The following XIRP2 variants were observed in gnomAD, a reference collection of about 807,000 sequenced individuals.
The protein encoded by XIRP2 is xin actin binding repeat containing 2.
XIRP2 carries 236 observed loss-of-function variants against 277.0 expected under a neutral mutation model. The observed-to-expected ratio is 0.85, with a 90% CI of 0.77 to 0.95. The LOEUF is 0.95. XIRP2 is among the 40% of genes least tolerant of loss of function. XIRP2 has a pLI of 0.00. For missense variants in XIRP2, 4,640 were observed against 4,157.5 expected, an observed-to-expected ratio of 1.12 and a Z score of -3.19; for synonymous variants, 1,490 against 1,416.5, an observed-to-expected ratio of 1.05 and a Z score of -1.17.
In XIRP2 at chr2:167,246,560, C is replaced by T. The variant is rs756423645; in HGVS notation, c.5168C>T (p.Ser1723Phe). 1.7e-4 allele frequency: 280 copies of T among 1,613,526 alleles called. No homozygotes were observed. Among genetic ancestry groups the T allele is most frequent in the Non-Finnish European group, 2.2e-4 (264 of 1,179,782 alleles). The change falls in exon 9 of 11, where the codon TCC (serine) becomes TTC (phenylalanine). Residue 1723 changes from serine (S) to phenylalanine (F), a missense_variant. Ser to Phe is a radical substitution (Grantham distance 155, BLOSUM62 -2). Coordinates refer to ENST00000409195, the MANE Select transcript of XIRP2 (RefSeq NM_152381.6). The part of the protein sequence containing the change: ...VKRTIHNLLS[S>F]TSNNKISERA... ...CGTACCATTCATAATTTATTGTCTT[C>T]CACATCAAACAATAAAATATCTGAA...
chr2:167,003,938 T>C (rs974933742), intron 2 of XIRP2, among the ~76,000 whole-genome samples: 1 of 151,958 alleles, frequency 6.6e-6, no homozygotes, highest in Non-Finnish European at 1.5e-5. Flanking sequence ...AAAAATTTAA[T>C]TATTAGGATA....
chr2:167,032,802 T>C (rs945763611), intron 2 of XIRP2, among the ~76,000 whole-genome samples: 1 of 152,152 alleles, frequency 6.6e-6, no homozygotes, highest in Non-Finnish European at 1.5e-5. Flanking sequence ...CAACAGATGC[T>C]GGAGAAGATG....
intron 2 of XIRP2, among the ~76,000 whole-genome samples, chr2:167,034,154 G>T (rs549445604): frequency 2.6e-4 from 40 of 152,226 alleles, no homozygotes; most frequent in African/African-American, 9.6e-4. Context: ...TTAAAGTGTA[G>T]GGGAATTAAT....
chr2:167,083,022 C>G (rs1225008977), intron 2 of XIRP2, among the ~76,000 whole-genome samples: 1 of 152,160 alleles, frequency 6.6e-6, no homozygotes, highest in Non-Finnish European at 1.5e-5. Flanking sequence ...CTTGCCCATG[C>G]CTATGTCCTG....
At position 167,248,441 on chromosome 2, in the gene XIRP2, C is replaced by T. The variant is rs1281783065; in HGVS notation, c.7049C>T (p.Pro2350Leu). ...SFPGLPLPPPPVDEKSERESS... is the reference protein window; with the variant it reads ...SFPGLPLPPPLVDEKSERESS... ...CCAGGCCTCCCTCTTCCTCCACCTC[C>T]AGTAGATGAGAAATCTGAAAGAGAA... Residue 2350 changes from proline to leucine, a missense_variant, in exon 9 of 11, where the codon CCA becomes CTA. Physicochemically the swap from Pro to Leu is moderately conservative, Grantham distance 98 (BLOSUM62 -3). Coordinates refer to ENST00000409195, the MANE Select transcript of XIRP2 (RefSeq NM_152381.6). The T allele has an allele frequency of 5.0e-6, 8 of 1,613,722 alleles. No homozygotes were observed. Among genetic ancestry groups the T allele is most frequent in the Non-Finnish European group, 6.8e-6 (8 of 1,179,786 alleles).
intron 3 of XIRP2, among the ~76,000 whole-genome samples, chr2:167,159,467 G>T (rs1692300782): frequency 6.6e-6 from 1 of 151,422 alleles, no homozygotes; most frequent in Non-Finnish European, 1.5e-5. Context: ...CTTATATCAT[G>T]GATAAAGTCA....
intron 4 of XIRP2, 95 bp downstream of exon 4, chr2:167,210,990 G>A: frequency 6.9e-7 from 1 of 1,456,334 alleles, no homozygotes; most frequent in South Asian, 1.3e-5. Context: ...CTACTGGACA[G>A]GGGGCTAAAG....
At chr2:167,230,384 AG>A (rs1371480559) in intron 5 of XIRP2, among the ~76,000 whole-genome samples, 1 of 151,990 alleles carries the variant, frequency 6.6e-6, no homozygotes, top group Non-Finnish European at 1.5e-5. Flanking sequence ...GTTGTTTTTG[AG>A]ATCAAGAAAG....
intron 5 of XIRP2, among the ~76,000 whole-genome samples, chr2:167,222,869 TTC>T (rs1465808049): frequency 2.6e-5 from 4 of 152,226 alleles, no homozygotes; most frequent in Non-Finnish European, 4.4e-5. Flanking sequence ...CTCTTTTTTT[TTC>T]TTTTTCCTTA....
At position 167,176,484 on chromosome 2, in the gene XIRP2, A is replaced by G. The variant is rs558178497; in HGVS notation, c.563-34251A>G. 1.9e-4 allele frequency among the ~76,000 whole-genome samples: 29 copies of G among 152,234 alleles called. No homozygotes were observed. In the South Asian group the frequency reaches 5.4e-3, roughly 28 times the overall value. ...GTCCCCTCTCTATTCTAAAGTTTCTATTGAATAATTTTAACATCTAAGCCA... is the reference window on the plus strand; with the variant it reads ...GTCCCCTCTCTATTCTAAAGTTTCTGTTGAATAATTTTAACATCTAAGCCA... On this transcript the variant is annotated intron_variant, in intron 3 of 10. Transcript: ENST00000409195.
At chr2:167,136,890 T>A (rs1300758870) in intron 3 of XIRP2, among the ~76,000 whole-genome samples, 4 of 152,358 alleles carry the variant, frequency 2.6e-5, no homozygotes, top group Non-Finnish European at 1.5e-5. Context: ...ATATTACAGT[T>A]CACAGTTTGG....
intron 2 of XIRP2, among the ~76,000 whole-genome samples, chr2:167,033,478 C>G (rs1342901144): frequency 6.6e-6 from 1 of 151,996 alleles, no homozygotes; most frequent in African/African-American, 2.4e-5. Context: ...AAAAACAGAA[C>G]TTTCCAAATC....
At position 167,242,830 on chromosome 2, in the gene XIRP2, A is replaced by G. The variant is rs1471090511; in HGVS notation, c.1438A>G (p.Arg480Gly). 2.5e-6 allele frequency: 4 copies of G among 1,614,036 alleles called. No individual in the cohort carries two copies. The highest frequency in any genetic ancestry group is 1.3e-5 in the African/African-American group (1 of 74,934). Residue 480 changes from arginine to glycine, a missense_variant, in exon 9 of 11, where the codon AGA becomes GGA. Transcript: ENST00000409195. ...SQSPELPSPP[R>G]RLPVPKDVYS... ...GTCCCCTGAACTGCCCAGTCCTCCT[A>G]GAAGACTACCAGTCCCCAAAGATGT...
At chr2:166,966,108 A>G (rs905178996) in intron 2 of XIRP2, among the ~76,000 whole-genome samples, 12 of 151,760 alleles carry the variant, frequency 7.9e-5, no homozygotes, top group Admixed American at 6.6e-4. Flanking sequence ...TTTTATATAA[A>G]CCTCCATAAA....
intron 3 of XIRP2, among the ~76,000 whole-genome samples, chr2:167,190,981 C>A (rs1034683339): frequency 6.6e-6 from 1 of 151,994 alleles, no homozygotes; most frequent in South Asian, 2.1e-4. Context: ...GCAGGCAGAT[C>A]TCTTGAGCCC....
At chr2:167,052,312 T>C (rs537419376) in intron 2 of XIRP2, among the ~76,000 whole-genome samples, 1 of 152,266 alleles carries the variant, frequency 6.6e-6, no homozygotes, top group African/African-American at 2.4e-5. Flanking sequence ...GGCAACTTTT[T>C]TTTAAATAGG....
In XIRP2 at chr2:167,009,243, GT is replaced by G. The variant is rs200767511; in HGVS notation, c.408+105354del. Among the ~76,000 whole-genome samples, 721 of 122,798 alleles carry G rather than the reference GT, an allele frequency of 5.9e-3. 55 individuals carry two copies. In the East Asian group the frequency reaches 0.15, roughly 26 times the overall value. The allele number at this position is 122,798 out of a possible 152,430, so 80.6% of individuals were successfully genotyped here. A position where few individuals can be genotyped will look rare whatever the true frequency, so the allele number is the denominator to read the frequency against. ...CCCACCCCACAACAGTCCCCAGAGTGTGATGTTCCCCTTCCTGTGTCCATGT... is the reference window on the plus strand; with the variant it reads ...CCCACCCCACAACAGTCCCCAGAGTGGATGTTCCCCTTCCTGTGTCCATGT... On this transcript the variant is annotated intron_variant, in intron 2 of 10. Transcript: ENST00000409195.
At chr2:167,005,957 C>A (rs1461523624) in intron 2 of XIRP2, among the ~76,000 whole-genome samples, 1 of 151,646 alleles carries the variant, frequency 6.6e-6, no homozygotes, top group Non-Finnish European at 1.5e-5. Context: ...TGATGCGTGT[C>A]CACATCAGAA....
chr2:167,244,520 C>A lies in XIRP2; in HGVS notation c.3128C>A (p.Ser1043Tyr). 1 of 1,613,562 alleles carries A rather than the reference C, an allele frequency of 6.2e-7. No individual in the cohort carries two copies. Among genetic ancestry groups the A allele is most frequent in the Non-Finnish European group, 8.5e-7 (1 of 1,179,752 alleles). Reference sequence around the variant, plus strand: ...AAATTTCAAATAATTAGAGGAATATCTGCTCAAGAAATACAGACTGGAAAT... The same window carrying A: ...AAATTTCAAATAATTAGAGGAATATATGCTCAAGAAATACAGACTGGAAAT... ...IHKFQIIRGI[S>Y]AQEIQTGNVK... The change falls in exon 9 of 11, where the codon TCT (serine) becomes TAT (tyrosine). Residue 1043 changes from serine to tyrosine, a missense_variant. Coordinates refer to ENST00000409195, the MANE Select transcript of XIRP2 (RefSeq NM_152381.6).
Sources: gnomAD v4.1 joint callset for allele counts (sites outside exome capture counted in the v4.1 genomes callset) on GRCh38, gnomAD v4.1.1 for gene constraint, MANE v1.5 for transcripts, NCBI Gene and HGNC (gene_info 2026-07-23, HGNC 2026-07-21) for gene names.